Variants in COL5A2 observed in about 807,000 individuals in gnomAD.
COL5A2 encodes the protein collagen alpha-2(V) chain.
A neutral mutation model predicts 208.2 loss-of-function variants in COL5A2; 23 were observed. That is an observed-to-expected ratio of 0.11 (90% CI 0.08 to 0.16). The LOEUF (loss-of-function observed/expected upper bound fraction) is 0.16. Among genes scored for constraint, COL5A2 ranks in the 10% least tolerant of loss-of-function variants. The pLI is 1.00. For missense variants in COL5A2, 1,590 were observed against 1,956.4 expected (o/e 0.81, Z 3.53); for synonymous variants, 625 against 628.5 (o/e 0.99, Z 0.08).
At chr2:189,409,538 G>C in the COL5A2 span, among the ~76,000 whole-genome samples, 2 of 152,036 alleles carry the variant, frequency 1.3e-5, no homozygotes, top group Non-Finnish European at 1.5e-5. Flanking sequence ...TTAGAAATGA[G>C]ATTTAGATTT....
chr2:189,342,162 GC>G, the COL5A2 span, among the ~76,000 whole-genome samples: 1 of 148,418 alleles, frequency 6.7e-6, no homozygotes, highest in Non-Finnish European at 1.5e-5. Context: ...TTATAGGTAA[GC>G]AAAACCAATT....
chr2:189,438,879 C>A, the COL5A2 span, among the ~76,000 whole-genome samples: 1 of 152,280 alleles, frequency 6.6e-6, no homozygotes, highest in African/African-American at 2.4e-5. Context: ...AAACCCAAAG[C>A]TGTTACAATG....
At chr2:189,217,413 G>A (rs1188982832) in intron 1 of COL5A2, among the ~76,000 whole-genome samples, 2 of 152,144 alleles carry the variant, frequency 1.3e-5, no homozygotes, top group Admixed American at 1.3e-4. Context: ...TTTCCTTTGT[G>A]GTCCAGTGCT....
intron 51 of COL5A2, 60 bp downstream of exon 51, chr2:189,039,212 A>C: frequency 1.3e-6 from 2 of 1,585,384 alleles, no homozygotes; most frequent in South Asian, 2.2e-5. Context: ...TTTGGAATGC[A>C]GTTGAGAATA....
At chr2:189,122,123 T>C (rs1687514327) in intron 1 of COL5A2, among the ~76,000 whole-genome samples, 1 of 152,190 alleles carries the variant, frequency 6.6e-6, no homozygotes, top group South Asian at 2.1e-4. Context: ...TTAACAAATA[T>C]TTACTAAGAA....
chr2:189,381,239 T>G, the COL5A2 span, among the ~76,000 whole-genome samples: 1 of 152,204 alleles, frequency 6.6e-6, no homozygotes, highest in East Asian at 1.9e-4. Context: ...CTCATCTTTT[T>G]TAAATGCAGA....
chr2:189,104,237 A>G, intron 3 of COL5A2, 27 bp downstream of exon 3: 1 of 1,487,394 alleles, frequency 6.7e-7, no homozygotes, highest in Non-Finnish European at 9.4e-7. Context: ...TGCTTATGAA[A>G]AAGAAAATAT....
intron 1 of COL5A2, among the ~76,000 whole-genome samples, chr2:189,174,376 G>A (rs1688637865): frequency 6.6e-6 from 1 of 152,204 alleles, no homozygotes; most frequent in African/African-American, 2.4e-5. Context: ...GGGTATTTGG[G>A]CCTTGAGTTA....
chr2:189,257,154 T>A, the COL5A2 span, among the ~76,000 whole-genome samples: 2 of 152,202 alleles, frequency 1.3e-5, no homozygotes, highest in Admixed American at 1.3e-4. Flanking sequence ...TCAGTTGTCC[T>A]CCACATGGTT....
chr2:189,370,910 T>A, the COL5A2 span, among the ~76,000 whole-genome samples: 1 of 152,064 alleles, frequency 6.6e-6, no homozygotes, highest in Non-Finnish European at 1.5e-5. Flanking sequence ...ATTATGGAAA[T>A]TTGTCTCCTC....
chr2:189,193,210 T>C (rs879352404), intron 1 of COL5A2, among the ~76,000 whole-genome samples: 4 of 152,214 alleles, frequency 2.6e-5, no homozygotes, highest in Non-Finnish European at 5.9e-5. Flanking sequence ...AGCAATGCAA[T>C]GTTGCTTGGT....
intron 1 of COL5A2, among the ~76,000 whole-genome samples, chr2:189,137,310 T>G (rs2105765141): frequency 6.6e-6 from 1 of 152,354 alleles, no homozygotes; most frequent in South Asian, 2.1e-4. Context: ...TTTTGAAATC[T>G]AATAATAACA....
the COL5A2 span, among the ~76,000 whole-genome samples, chr2:189,299,088 T>A: frequency 6.6e-6 from 1 of 152,224 alleles, no homozygotes; most frequent in Non-Finnish European, 1.5e-5. Flanking sequence ...TTGCTTTGTT[T>A]TTCTAAAAGC....
At chr2:189,258,258 G>C in the COL5A2 span, among the ~76,000 whole-genome samples, 1 of 152,170 alleles carries the variant, frequency 6.6e-6, no homozygotes, top group Non-Finnish European at 1.5e-5. Flanking sequence ...CCATGCAAAA[G>C]TATGAGTCCA....
chr2:189,246,431 A>T, the COL5A2 span, among the ~76,000 whole-genome samples: 1 of 152,246 alleles, frequency 6.6e-6, no homozygotes, highest in Non-Finnish European at 1.5e-5. Flanking sequence ...ATTGATAAAA[A>T]TTAAGCTTTG....
chr2:189,352,055 G>A, the COL5A2 span, among the ~76,000 whole-genome samples: 1 of 151,970 alleles, frequency 6.6e-6, no homozygotes, highest in Non-Finnish European at 1.5e-5. Flanking sequence ...GCAGTGTTTG[G>A]TTTTCTGTTC....
At chr2:189,299,986 A>G in the COL5A2 span, among the ~76,000 whole-genome samples, 1 of 152,144 alleles carries the variant, frequency 6.6e-6, no homozygotes, top group Non-Finnish European at 1.5e-5. Flanking sequence ...GTAAGCATAT[A>G]CTGGCGGCAG....
chr2:189,063,854 T>C (rs906554868), intron 26 of COL5A2, 126 bp downstream of exon 26: 4 of 733,004 alleles, frequency 5.5e-6, no homozygotes, highest in African/African-American at 5.3e-5. Flanking sequence ...TTCCAGAAGT[T>C]GGTACAAATA....
At chr2:189,082,779 C>G (rs957188729) in intron 12 of COL5A2, among the ~76,000 whole-genome samples, 5 of 152,164 alleles carry the variant, frequency 3.3e-5, no homozygotes, top group Non-Finnish European at 7.3e-5. Flanking sequence ...CATGGAGGGC[C>G]CACACTGTGA....
Sources: gnomAD v4.1 joint callset for allele counts (sites outside exome capture counted in the v4.1 genomes callset) on GRCh38, gnomAD v4.1.1 for gene constraint, MANE v1.5 for transcripts, NCBI Gene and HGNC (gene_info 2026-07-23, HGNC 2026-07-21) for gene names.